ARHGAP10: variants seen among roughly 807,000 people sequenced by gnomAD.
ARHGAP10 encodes rho GTPase-activating protein 10.
Under a neutral mutation model 108.6 loss-of-function variants are expected in ARHGAP10, and 87 were observed. That is an observed-to-expected ratio of 0.80 (90% CI 0.67 to 0.96). The LOEUF (loss-of-function observed/expected upper bound fraction) is 0.96, where lower values mean the gene tolerates loss of function less well. ARHGAP10 is among the 40% of genes least tolerant of loss of function. The pLI is 0.00. For synonymous variants in ARHGAP10, 347 were observed against 341.1 expected, an observed-to-expected ratio of 1.02 and a Z score of -0.19; for missense variants, 939 against 954.5, an observed-to-expected ratio of 0.98 and a Z score of 0.21.
intron 4 of ARHGAP10, among the ~76,000 whole-genome samples, chr4:147,857,173 G>T (rs778755907): frequency 3.9e-5 from 6 of 152,160 alleles, no homozygotes; most frequent in Non-Finnish European, 7.3e-5. Context: ...CGAATTCCAC[G>T]TCTGTGCCAA....
intron 18 of ARHGAP10, among the ~76,000 whole-genome samples, chr4:147,985,778 G>A (rs543784346): frequency 9.8e-5 from 15 of 152,290 alleles, no homozygotes; most frequent in Admixed American, 6.5e-5. Flanking sequence ...CCGTCTCAGC[G>A]TCTGTAAGCT....
chr4:148,043,306 TG>T (rs1168186467), intron 19 of ARHGAP10, among the ~76,000 whole-genome samples: 1 of 152,110 alleles, frequency 6.6e-6, no homozygotes, highest in East Asian at 1.9e-4. Flanking sequence ...GTACCATTTT[TG>T]TTCACTCACT....
chr4:147,905,572 G>T (rs1461062218), intron 10 of ARHGAP10, among the ~76,000 whole-genome samples: 1 of 122,540 alleles, frequency 8.2e-6, no homozygotes, highest in African/African-American at 2.7e-5. Flanking sequence ...TGAGGGCTCT[G>T]TTCTGTTCCA....
intron 18 of ARHGAP10, among the ~76,000 whole-genome samples, chr4:148,016,509 G>GA (rs528884331): frequency 1.1e-4 from 16 of 148,704 alleles, no homozygotes; most frequent in African/African-American, 2.5e-4. Flanking sequence ...GTCTCTGAAA[G>GA]AAAAAAAAAA....
intron 1 of ARHGAP10, among the ~76,000 whole-genome samples, chr4:147,810,893 C>T (rs1433638619): frequency 6.6e-6 from 1 of 152,240 alleles, no homozygotes; most frequent in Non-Finnish European, 1.5e-5. Context: ...CTCTGTGCCT[C>T]ATTTTGTTCT....
chr4:147,839,656 C>T (rs1029160483), intron 3 of ARHGAP10, among the ~76,000 whole-genome samples: 1 of 152,192 alleles, frequency 6.6e-6, no homozygotes, highest in Admixed American at 6.5e-5. Flanking sequence ...GACATCAGAA[C>T]TTAGACTTTG....
intron 18 of ARHGAP10, among the ~76,000 whole-genome samples, chr4:147,982,635 A>T (rs1031695476): frequency 2.1e-5 from 3 of 141,174 alleles, no homozygotes; most frequent in African/African-American, 8.2e-5. Flanking sequence ...TCCTTGGCTC[A>T]AGCAGTCCTC....
chr4:147,741,897 G>A (rs938635315), intron 1 of ARHGAP10, among the ~76,000 whole-genome samples: 6 of 151,730 alleles, frequency 4.0e-5, no homozygotes, highest in Admixed American at 3.9e-4. Context: ...CACACCCCAA[G>A]TTGCTGCCAT....
At chr4:147,948,875 A>G (rs954352268) in intron 15 of ARHGAP10, among the ~76,000 whole-genome samples, 1 of 151,466 alleles carries the variant, frequency 6.6e-6, no homozygotes, top group African/African-American at 2.4e-5. Flanking sequence ...CTGAGGCAGG[A>G]GAAGGGTGGG....
intron 5 of ARHGAP10, chr4:147,863,279 C>T (rs571795739): frequency 8.5e-5 from 13 of 152,296 alleles, no homozygotes; most frequent in East Asian, 5.8e-4. Context: ...TCCTGGCAGC[C>T]GTCGTTCTGC....
chr4:147,871,914 A>C (rs1027968462), intron 7 of ARHGAP10, among the ~76,000 whole-genome samples: 1 of 152,088 alleles, frequency 6.6e-6, no homozygotes, highest in Non-Finnish European at 1.5e-5. Flanking sequence ...CAGCCTGGGC[A>C]ATGTAGTGAG....
At chr4:147,939,762 T>C in intron 13 of ARHGAP10, 63 bp from the exon 14 acceptor site, 1 of 1,406,588 alleles carries the variant, frequency 7.1e-7, no homozygotes, top group South Asian at 1.2e-5. Flanking sequence ...TGAATGCAAC[T>C]GTTTGATGGC....
chr4:147,735,966 C>T (rs1728395122), intron 1 of ARHGAP10, among the ~76,000 whole-genome samples: 1 of 152,176 alleles, frequency 6.6e-6, no homozygotes, highest in Admixed American at 6.5e-5. Flanking sequence ...CAGCAATAAA[C>T]CATATATGCT....
chr4:147,951,698 C>G (rs1262180373), intron 15 of ARHGAP10, among the ~76,000 whole-genome samples: 1 of 151,894 alleles, frequency 6.6e-6, no homozygotes, highest in Non-Finnish European at 1.5e-5. Flanking sequence ...AGTGATCCTC[C>G]CACCTTGGCC....
At chr4:147,834,640 GCAGC>G (rs944605421) in intron 3 of ARHGAP10, among the ~76,000 whole-genome samples, 1 of 151,774 alleles carries the variant, frequency 6.6e-6, no homozygotes, top group Non-Finnish European at 1.5e-5. Flanking sequence ...GAATGGCACT[GCAGC>G]CTCACCCACA....
rs754740095 is a variant in ARHGAP10, at chr4:147,955,310, A to G, written c.1392-6A>G. On this transcript the variant is annotated splice_region_variant and splice_polypyrimidine_tract_variant and intron_variant, in intron 15 of 22. Transcript: ENST00000336498. ...TTGATAATTCTGAGCTGTTCTTTTC[A>G]CACAGGAGTCTTCCAGAGCCTCTCA... 2.5e-6 allele frequency: 4 copies of G among 1,609,000 alleles called. No homozygotes were observed. In the Admixed American group the frequency reaches 6.7e-5, roughly 27 times the overall value.
chr4:147,877,301 G>C (rs549746689), intron 8 of ARHGAP10, among the ~76,000 whole-genome samples: 7 of 151,942 alleles, frequency 4.6e-5, no homozygotes, highest in African/African-American at 1.2e-4. Context: ...TACAAATGCT[G>C]GTTCTTTAAA....
intron 1 of ARHGAP10, among the ~76,000 whole-genome samples, chr4:147,753,133 G>A (rs1404974968): frequency 1.3e-5 from 2 of 152,148 alleles, no homozygotes; most frequent in Non-Finnish European, 2.9e-5. Context: ...AGTAAATACT[G>A]AATTTAGTAA....
chr4:148,025,304 C>G (rs1741724539), intron 19 of ARHGAP10, among the ~76,000 whole-genome samples: 2 of 150,896 alleles, frequency 1.3e-5, no homozygotes, highest in Admixed American at 6.6e-5. Context: ...ATGTTTTGTT[C>G]TACATTTTGT....
Sources: gnomAD v4.1 joint callset for allele counts (sites outside exome capture counted in the v4.1 genomes callset) on GRCh38, gnomAD v4.1.1 for gene constraint, MANE v1.5 for transcripts, NCBI Gene and HGNC (gene_info 2026-07-23, HGNC 2026-07-21) for gene names.